Variants in PCNT observed in about 807,000 individuals in gnomAD.
The protein encoded by PCNT is pericentrin.
Under a neutral mutation model 380.4 loss-of-function variants are expected in PCNT, and 319 were observed. That is an observed-to-expected ratio of 0.84 (90% CI 0.77 to 0.92). PCNT has a LOEUF of 0.92. Ranked by LOEUF, PCNT falls within the 40% of genes least tolerant of loss-of-function variation. The pLI, the probability that PCNT is intolerant of heterozygous loss-of-function variation, is 0.00. For missense variants in PCNT, 4,400 were observed against 4,255.3 expected, an observed-to-expected ratio of 1.03 and a Z score of -0.95; for synonymous variants, 1,845 against 1,735.2, an observed-to-expected ratio of 1.06 and a Z score of -1.57.
intron 29 of PCNT, among the ~76,000 whole-genome samples, chr21:46,414,911 T>C (rs2086962725): frequency 6.6e-6 from 1 of 152,064 alleles, no homozygotes; most frequent in Non-Finnish European, 1.5e-5. Context: ...CTCCCCCTCC[T>C]CCCTGCTGTT....
intron 29 of PCNT, among the ~76,000 whole-genome samples, chr21:46,414,188 C>T (rs2086916331): frequency 6.6e-6 from 1 of 152,134 alleles, no homozygotes; most frequent in Non-Finnish European, 1.5e-5. Context: ...GACGGGGTTT[C>T]ACCATGTTGG....
intron 21 of PCNT, among the ~76,000 whole-genome samples, chr21:46,396,481 G>C (rs944787858): frequency 6.6e-6 from 1 of 152,196 alleles, no homozygotes; most frequent in African/African-American, 2.4e-5. Context: ...CTGCTGTGAG[G>C]GTGGAGCCCT....
rs550202367 is a variant in PCNT at position 46,388,390 on chromosome 21, G to A, written c.3465-352G>A. Reference sequence around the variant, plus strand: ...GGTGCACCCTGTGCTCCAGGGGAGGGGCGGAGCCTGTGTGCTGCTCCCGGG... The same window carrying A: ...GGTGCACCCTGTGCTCCAGGGGAGGAGCGGAGCCTGTGTGCTGCTCCCGGG... On this transcript the variant is annotated intron_variant, in intron 17 of 46. Transcript: ENST00000359568. The surrounding 1 kb of genome is among the most constrained non-coding windows in gnomAD (Gnocchi z 4.2). Among the ~76,000 whole-genome samples the A allele has an allele frequency of 6.6e-6, 1 of 152,326 alleles. No individual in the cohort carries two copies. The highest frequency in any genetic ancestry group is 1.9e-4 in the East Asian group (1 of 5,180).
At chr21:46,364,132 G>A (rs1043951342) in intron 14 of PCNT, among the ~76,000 whole-genome samples, 198 bp downstream of exon 14, 1 of 152,196 alleles carries the variant, frequency 6.6e-6, no homozygotes, top group African/African-American at 2.4e-5. Flanking sequence ...GGGCAGGCTG[G>A]CAGTTGCCAT....
At chr21:46,371,925 A>ATGCGCATGCTCACACAGCATG (rs1306516600) in intron 15 of PCNT, among the ~76,000 whole-genome samples, 4 of 150,526 alleles carry the variant, frequency 2.7e-5, no homozygotes, top group African/African-American at 9.8e-5. Flanking sequence ...CACACAGCAC[A>ATGCGCATGCTCACACAGCATG]TGCGCATGCT....
chr21:46,324,883 T>C, intron 1 of PCNT: 2 of 985,460 alleles, frequency 2.0e-6, no homozygotes, highest in Non-Finnish European at 2.4e-6. Context: ...CGCGCGTTTC[T>C]CGCGGCGTTG....
intron 3 of PCNT, among the ~76,000 whole-genome samples, chr21:46,337,983 C>G (rs769032623): frequency 2.0e-5 from 3 of 152,154 alleles, no homozygotes; most frequent in African/African-American, 4.8e-5. Context: ...AGGCAGTCCT[C>G]CCACCTCAGC....
At chr21:46,339,515 T>C (rs906142267) in intron 3 of PCNT, among the ~76,000 whole-genome samples, 1 of 152,208 alleles carries the variant, frequency 6.6e-6, no homozygotes, top group Non-Finnish European at 1.5e-5. Context: ...GAAGCCAGTC[T>C]GAGTCCGAAA....
rs767313594 is a variant in PCNT, at chr21:46,326,495, AGGAGGACAGCGCACTCTGT to A, written c.180_198del (p.Asp60GlufsTer187). 1.2e-6 allele frequency: 2 copies of A among 1,614,240 alleles called. No individual in the cohort carries two copies. The highest frequency in any genetic ancestry group is 3.3e-5 in the Admixed American group (2 of 60,024). ...GTCCAGGAGGAGAGTCCGGTAACCA[AGGAGGACAGCGCACTCTGT>A]GGAGGAGGGGACATTTGCAAAAGCA... On this transcript the variant is annotated frameshift_variant, in exon 2 of 47. Transcript: ENST00000359568. LOFTEE classifies it high-confidence loss of function.
At chr21:46,344,317 A>G (rs1601788119) in intron 3 of PCNT, among the ~76,000 whole-genome samples, 2 of 151,768 alleles carry the variant, frequency 1.3e-5, no homozygotes, top group Admixed American at 1.3e-4. Context: ...CTCATGATCC[A>G]CCTGCCTCAG....
At chr21:46,436,592 A>G (rs551487581) in intron 39 of PCNT, among the ~76,000 whole-genome samples, 14 of 151,930 alleles carry the variant, frequency 9.2e-5, no homozygotes, top group African/African-American at 3.1e-4. Context: ...CTTTTTCCCT[A>G]TACACAGAAA....
Position 46,413,662 on chromosome 21 carries a change from G to A in PCNT, c.6150+670G>A, listed in dbSNP as rs117653805. On this transcript the variant is annotated intron_variant, in intron 29 of 46. Coordinates refer to ENST00000359568, the MANE Select transcript of PCNT (RefSeq NM_006031.6). ...TGTCTTTTCATGGGAGGACCACATC[G>A]CCCCCGTGGGCCTCACCTCAGCTCA... is the stretch of plus-strand genomic sequence containing the variant. 1.3e-3 allele frequency among the ~76,000 whole-genome samples: 192 copies of A among 152,278 alleles called. 3 individuals are homozygous for A. The highest frequency in any genetic ancestry group is 1.4e-3 in the South Asian group (7 of 4,830).
chr21:46,376,608 T>C (rs1417495875), intron 15 of PCNT, among the ~76,000 whole-genome samples: 2 of 152,256 alleles, frequency 1.3e-5, no homozygotes, highest in Admixed American at 6.5e-5. Context: ...GCCGGGTGCA[T>C]TGGCATTTGG....
intron 25 of PCNT, among the ~76,000 whole-genome samples, chr21:46,400,857 T>C (rs1330610138): frequency 6.6e-6 from 1 of 152,200 alleles, no homozygotes; most frequent in Non-Finnish European, 1.5e-5. Context: ...ATGAGAATTA[T>C]TAAACTGGGG....
chr21:46,414,837 C>A (rs531039527), intron 29 of PCNT, among the ~76,000 whole-genome samples: 1 of 149,914 alleles, frequency 6.7e-6, no homozygotes, highest in African/African-American at 2.5e-5. Flanking sequence ...TCCTCCTCCT[C>A]CTGGACACAC....
chr21:46,355,069 C>G, intron 11 of PCNT, among the ~76,000 whole-genome samples: 1 of 152,328 alleles, frequency 6.6e-6, no homozygotes, highest in East Asian at 1.9e-4. Flanking sequence ...TCACAGGAGG[C>G]TGGCCTTGAG....
intron 37 of PCNT, 192 bp from the exon 38 acceptor site, chr21:46,431,337 A>T (rs527739788): frequency 2.1e-6 from 3 of 1,443,030 alleles, no homozygotes; most frequent in South Asian, 2.9e-5. Flanking sequence ...AAAGTATGTC[A>T]TCTCCGCAGT....
chr21:46,434,560 T>C (rs1254941571), intron 38 of PCNT, among the ~76,000 whole-genome samples: 1 of 152,210 alleles, frequency 6.6e-6, no homozygotes, highest in Non-Finnish European at 1.5e-5. Flanking sequence ...GCTTCGTCCT[T>C]CCTTGCCCCA....
At position 46,353,234 on chromosome 21, in the gene PCNT, T is replaced by C; in HGVS notation, c.1587T>C (p.Asp529=). Reference sequence around the variant, plus strand: ...TTTATTTTGAAAAGAAGTTAAGGGATGCTGAGAAAACTTACCAAGAAGACC... The same window carrying C: ...TTTATTTTGAAAAGAAGTTAAGGGACGCTGAGAAAACTTACCAAGAAGACC... ...LRIYFEKKLR[D]AEKTYQEDLT... The change falls in exon 10 of 47, where the codon GAT becomes GAC. Residue 529 remains aspartate (D), a synonymous_variant. Transcript: ENST00000359568. The C allele has an allele frequency of 6.2e-7, 1 of 1,614,100 alleles. No individual in the cohort carries two copies. Among genetic ancestry groups the C allele is most frequent in the Non-Finnish European group, 8.5e-7 (1 of 1,180,000 alleles).
Sources: gnomAD v4.1 joint callset for allele counts (sites outside exome capture counted in the v4.1 genomes callset) on GRCh38, gnomAD v4.1.1 for gene constraint, Gnocchi (gnomAD v3.1) non-coding constraint, MANE v1.5 for transcripts, NCBI Gene and HGNC (gene_info 2026-07-23, HGNC 2026-07-21) for gene names.